The following ROBO1 variants were observed in gnomAD, a reference collection of about 807,000 sequenced individuals.
The protein encoded by ROBO1 is roundabout homolog 1.
In ROBO1, 149 loss-of-function variants were observed where a neutral mutation model predicts 195.9. The ratio of observed to expected loss-of-function variants is 0.76; its 90% CI spans 0.67 to 0.87. The LOEUF is 0.87. Among genes scored for constraint, ROBO1 ranks in the 40% least tolerant of loss-of-function variants. The pLI is 0.00. For missense variants in ROBO1, 1,933 were observed against 2,068.3 expected (o/e 0.93, Z 1.27); for synonymous variants, 816 against 733.2 (o/e 1.11, Z -1.82).
chr3:78,804,357 G>C (rs1412494943), intron 4 of ROBO1, among the ~76,000 whole-genome samples: 1 of 151,936 alleles, frequency 6.6e-6, no homozygotes, highest in Non-Finnish European at 1.5e-5. Context: ...TTAAAATGGA[G>C]TTAAGCTACC....
chr3:78,651,633 T>A, intron 19 of ROBO1, 99 bp downstream of exon 19: 2 of 965,668 alleles, frequency 2.1e-6, no homozygotes, highest in Non-Finnish European at 1.5e-6. Context: ...TTAAAACAAG[T>A]TTTAGAGGAT....
intron 2 of ROBO1, among the ~76,000 whole-genome samples, chr3:79,183,305 T>C (rs1394216261): frequency 6.6e-6 from 1 of 152,086 alleles, no homozygotes; most frequent in Non-Finnish European, 1.5e-5. Context: ...AGTTCTCTCT[T>C]TGAAACACCT....
At chr3:78,780,512 A>G (rs2083644800) in intron 4 of ROBO1, among the ~76,000 whole-genome samples, 1 of 151,918 alleles carries the variant, frequency 6.6e-6, no homozygotes, top group Non-Finnish European at 1.5e-5. Context: ...CATGTCCCCA[A>G]ACTTTCCCTG....
At chr3:79,025,120 T>C (rs150274363) in intron 3 of ROBO1, among the ~76,000 whole-genome samples, 358 of 152,272 alleles carry the variant, frequency 2.4e-3, no homozygotes, top group South Asian at 0.015. Flanking sequence ...TCTATCACAA[T>C]GGCTTCTATG....
At chr3:79,633,071 C>T (rs950470762) in intron 1 of ROBO1, among the ~76,000 whole-genome samples, 1 of 151,664 alleles carries the variant, frequency 6.6e-6, no homozygotes, top group South Asian at 2.1e-4. Flanking sequence ...ACATGTTATA[C>T]AATTACACAC....
chr3:79,333,011 G>A (rs1468288746), intron 2 of ROBO1, among the ~76,000 whole-genome samples: 1 of 151,980 alleles, frequency 6.6e-6, no homozygotes, highest in Non-Finnish European at 1.5e-5. Context: ...AGACCAGCCC[G>A]ACCAATACGG....
At position 78,963,494 on chromosome 3, in the gene ROBO1, G is replaced by GTTTTTTTTTTTTTT. The variant is rs750158094; in HGVS notation, c.173-24581_173-24568dup. On this transcript the variant is annotated intron_variant, in intron 3 of 30. Transcript: ENST00000464233. ...GAGAAGATCCAGAGGAAAACCTTCA[G>GTTTTTTTTTTTTTT]TTTTTTTTTTTTTTTTTTTTTTTTT... 2.5e-4 allele frequency among the ~76,000 whole-genome samples: 18 copies of GTTTTTTTTTTTTTT among 72,306 alleles called. 2 individuals are homozygous for GTTTTTTTTTTTTTT. The highest frequency in any genetic ancestry group is 2.7e-4 in the Non-Finnish European group (12 of 44,040). The allele number at this position is 72,306 out of a possible 152,430, so 47.4% of individuals were successfully genotyped here.
chr3:79,458,488 G>C (rs1194796171), intron 2 of ROBO1, among the ~76,000 whole-genome samples: 2 of 152,012 alleles, frequency 1.3e-5, no homozygotes, highest in South Asian at 4.2e-4. Flanking sequence ...TGCATGAGGG[G>C]ATGAATGCTC....
intron 2 of ROBO1, among the ~76,000 whole-genome samples, chr3:79,196,175 T>C (rs2081629625): frequency 6.6e-6 from 1 of 151,538 alleles, no homozygotes; most frequent in Admixed American, 6.6e-5. Flanking sequence ...TAAGGATACA[T>C]TGTGGAAAAG....
chr3:79,500,535 C>T (rs957972053), intron 2 of ROBO1, among the ~76,000 whole-genome samples: 1 of 152,232 alleles, frequency 6.6e-6, no homozygotes, highest in Non-Finnish European at 1.5e-5. Flanking sequence ...CCTGCCCTTG[C>T]AAGACTGTCA....
intron 2 of ROBO1, among the ~76,000 whole-genome samples, chr3:79,474,108 C>T (rs574178790): frequency 3.9e-5 from 6 of 152,144 alleles, no homozygotes; most frequent in East Asian, 1.9e-4. Flanking sequence ...GTTGCAGAAG[C>T]GAGATACATG....
intron 1 of ROBO1, among the ~76,000 whole-genome samples, chr3:79,657,665 G>A (rs1045274786): frequency 2.0e-5 from 3 of 151,950 alleles, no homozygotes; most frequent in African/African-American, 4.8e-5. Context: ...ATATGAAAAC[G>A]TTACCGAGTC....
intron 2 of ROBO1, among the ~76,000 whole-genome samples, chr3:79,385,789 A>G (rs2036721094): frequency 6.6e-6 from 1 of 152,188 alleles, no homozygotes; most frequent in Non-Finnish European, 1.5e-5. Context: ...ATAAAAAAAC[A>G]TACCTGGGAA....
intron 3 of ROBO1, among the ~76,000 whole-genome samples, chr3:78,961,948 T>G (rs73851606): frequency 0.022 from 3,366 of 151,592 alleles, 109 homozygotes; most frequent in African/African-American, 0.073. Flanking sequence ...TTTGTTTTTT[T>G]TTTTTACCTC....
chr3:79,272,505 G>A (rs1036202543), intron 2 of ROBO1, among the ~76,000 whole-genome samples: 30 of 152,148 alleles, frequency 2.0e-4, no homozygotes, highest in African/African-American at 6.7e-4. Flanking sequence ...AAGGAAAGAG[G>A]CACTGAAGAG....
At chr3:79,066,224 G>A (rs1446069777) in intron 3 of ROBO1, among the ~76,000 whole-genome samples, 1 of 151,808 alleles carries the variant, frequency 6.6e-6, no homozygotes, top group African/African-American at 2.4e-5. Context: ...AAGTAAGGCA[G>A]GAAAAGGATT....
intron 1 of ROBO1, among the ~76,000 whole-genome samples, chr3:79,625,825 T>G (rs1423656994): frequency 6.6e-6 from 1 of 151,912 alleles, no homozygotes; most frequent in Non-Finnish European, 1.5e-5. Context: ...TCTAAACAAT[T>G]GAAAAGGGGG....
intron 26 of ROBO1, among the ~76,000 whole-genome samples, chr3:78,622,706 T>C (rs1559658225): frequency 2.0e-5 from 3 of 152,362 alleles, no homozygotes; most frequent in African/African-American, 7.2e-5. Flanking sequence ...AGCAAGACTA[T>C]GCACCAGTTC....
chr3:79,107,611 ATGTTGGG>A (rs765909116), intron 3 of ROBO1, among the ~76,000 whole-genome samples: 13 of 151,788 alleles, frequency 8.6e-5, no homozygotes, highest in Non-Finnish European at 1.6e-4. Flanking sequence ...GCATATTAAA[ATGTTGGG>A]TGTTGATAAT....
Sources: gnomAD v4.1 joint callset for allele counts (sites outside exome capture counted in the v4.1 genomes callset) on GRCh38, gnomAD v4.1.1 for gene constraint, MANE v1.5 for transcripts, NCBI Gene and HGNC (gene_info 2026-07-23, HGNC 2026-07-21) for gene names.